The following ARHGAP29 variants were observed in gnomAD, a reference collection of about 807,000 sequenced individuals.
The protein encoded by ARHGAP29 is Rho GTPase activating protein 29, also known as rho GTPase-activating protein 29.
ARHGAP29 carries 43 observed loss-of-function variants against 122.6 expected under a neutral mutation model. The ratio of observed to expected loss-of-function variants is 0.35; its 90% CI spans 0.27 to 0.45. The LOEUF is 0.45. Among genes scored for constraint, ARHGAP29 ranks in the 20% least tolerant of loss-of-function variants. ARHGAP29 has a pLI of 1.00. For missense variants in ARHGAP29, 1,303 were observed against 1,477.2 expected (o/e 0.88, Z 1.93); for synonymous variants, 506 against 497.1 (o/e 1.02, Z -0.24).
At chr1:94,301,314 GC>G in the ARHGAP29 span, among the ~76,000 whole-genome samples, 1 of 152,116 alleles carries the variant, frequency 6.6e-6, no homozygotes, top group South Asian at 2.1e-4. Context: ...TAGCTTAAAA[GC>G]AAAAACGGGG....
At chr1:94,211,214 G>A (rs1651580211) in intron 3 of ARHGAP29, among the ~76,000 whole-genome samples, 1 of 140,054 alleles carries the variant, frequency 7.1e-6, no homozygotes, top group African/African-American at 2.6e-5. Flanking sequence ...TTGAACCCAG[G>A]AGGCAGAGGT....
rs775058104 is a variant in ARHGAP29 at position 94,184,190 on chromosome 1, T to G, written c.2208A>C (p.Ser736=). ...MHLVDISEFS[S]HDICDVLKLY... ...ATTTCAAGACGTCACAGATATCATG[T>G]GAACTAAATTCTGAAATATCTACCA... The change falls in exon 19 of 23, where the codon TCA becomes TCC. Residue 736 remains serine, a synonymous_variant. Coordinates refer to ENST00000260526, the MANE Select transcript of ARHGAP29 (RefSeq NM_004815.4). The G allele has an allele frequency of 1.3e-5, 21 of 1,610,226 alleles. No individual in the cohort carries two copies. Among genetic ancestry groups the G allele is most frequent in the Non-Finnish European group, 1.8e-5 (21 of 1,178,728 alleles).
chr1:94,231,142 T>C (rs2101613480), intron 2 of ARHGAP29, among the ~76,000 whole-genome samples: 1 of 152,172 alleles, frequency 6.6e-6, no homozygotes. Context: ...TTTTCCTACG[T>C]CAAATGGACC....
intron 1 of ARHGAP29, among the ~76,000 whole-genome samples, chr1:94,262,543 G>T (rs983345374): frequency 6.6e-6 from 1 of 151,952 alleles, no homozygotes; most frequent in African/African-American, 2.4e-5. Context: ...AGGAACTTAA[G>T]AAAATTTATA....
chr1:94,174,196 T>C lies in ARHGAP29; in HGVS notation c.3459A>G (p.Arg1153=), dbSNP rs1188656363. 3 of 1,614,084 alleles carry C rather than the reference T, an allele frequency of 1.9e-6. No homozygotes were observed. The highest frequency in any genetic ancestry group is 1.7e-5 in the Admixed American group (1 of 60,002). The change falls in exon 23 of 23, where the codon AGA becomes AGG. Residue 1153 remains arginine (R), a synonymous_variant. Transcript: ENST00000260526. ...SSDSYPLAPV[R]APRTLQPQHW... is the part of the protein sequence containing the mutation. ...GTTGAGGCTGCAGTGTTCTGGGTGC[T>C]CTGACAGGAGCGAGAGGGTAGGAAT...
chr1:94,207,345 T>C (rs1057027473), intron 5 of ARHGAP29, among the ~76,000 whole-genome samples: 28 of 152,160 alleles, frequency 1.8e-4, no homozygotes, highest in African/African-American at 6.3e-4. Context: ...TTGATCAAAG[T>C]AATTTTATTA....
chr1:94,231,816 TTGA>T (rs1652934963), intron 1 of ARHGAP29, among the ~76,000 whole-genome samples, 173 bp from the exon 2 acceptor site: 1 of 152,176 alleles, frequency 6.6e-6, no homozygotes, highest in African/African-American at 2.4e-5. Flanking sequence ...CACTGTATTA[TTGA>T]TAATAGCAGT....
At chr1:94,227,316 C>G (rs1392824975) in intron 2 of ARHGAP29, among the ~76,000 whole-genome samples, 1 of 151,574 alleles carries the variant, frequency 6.6e-6, no homozygotes, top group Non-Finnish European at 1.5e-5. Context: ...AATTAGAAAG[C>G]ATCTTTTAAA....
chr1:94,174,203 G>C lies in ARHGAP29; in HGVS notation c.3452C>G (p.Pro1151Arg). Residue 1151 changes from proline (P) to arginine (R), a missense_variant, in exon 23 of 23, where the codon CCT (proline) becomes CGT (arginine). Coordinates refer to ENST00000260526, the MANE Select transcript of ARHGAP29 (RefSeq NM_004815.4). The stretch of plus-strand genomic sequence containing the variant: ...CTGCAGTGTTCTGGGTGCTCTGACA[G>C]GAGCGAGAGGGTAGGAATCTGAAGA... Reference protein sequence around the residue: ...RRSSDSYPLAPVRAPRTLQPQ... With the variant: ...RRSSDSYPLARVRAPRTLQPQ... 1.2e-6 allele frequency: 2 copies of C among 1,614,210 alleles called. No individual in the cohort carries two copies. Among genetic ancestry groups the C allele is most frequent in the East Asian group, 2.2e-5 (1 of 44,884 alleles).
upstream of ARHGAP29, among the ~76,000 whole-genome samples, chr1:94,276,265 A>T (rs1655185244): frequency 6.6e-6 from 1 of 152,206 alleles, no homozygotes; most frequent in Non-Finnish European, 1.5e-5. Flanking sequence ...CTCAAAAAAA[A>T]AAAAAGTTTT....
At chr1:94,189,474 A>G (rs1650005946) in intron 13 of ARHGAP29, 122 bp from the exon 14 acceptor site, 1 of 1,206,530 alleles carries the variant, frequency 8.3e-7, no homozygotes, top group Admixed American at 3.1e-5. Context: ...TAAACTAAAT[A>G]TTAAAAACAA....
chr1:94,267,478 T>C (rs1654816629), intron 1 of ARHGAP29, among the ~76,000 whole-genome samples: 1 of 152,222 alleles, frequency 6.6e-6, no homozygotes, highest in Admixed American at 6.5e-5. Flanking sequence ...ATGAGTATTC[T>C]TTGAGGTCAC....
At chr1:94,304,164 C>T in the ARHGAP29 span, among the ~76,000 whole-genome samples, 1 of 152,184 alleles carries the variant, frequency 6.6e-6, no homozygotes, top group South Asian at 2.1e-4. Flanking sequence ...GGAAGAAGGT[C>T]TCACTCTGTC....
intron 1 of ARHGAP29, among the ~76,000 whole-genome samples, chr1:94,253,968 A>T (rs866907437): frequency 1.3e-5 from 2 of 152,232 alleles, no homozygotes; most frequent in Non-Finnish European, 2.9e-5. Context: ...AATTCACTCA[A>T]GATAAGATTA....
intron 4 of ARHGAP29, 64 bp downstream of exon 4, chr1:94,209,189 TA>T: frequency 8.5e-7 from 1 of 1,170,888 alleles, no homozygotes. Flanking sequence ...TGTTACTGGA[TA>T]ATGCAACATA....
At chr1:94,217,862 A>C (rs200915316) in intron 3 of ARHGAP29, among the ~76,000 whole-genome samples, 37 of 394 alleles carry the variant, frequency 0.094, no homozygotes, top group East Asian at 0.5. Flanking sequence ...AAAAAAAACA[A>C]AAAAAAAAAA....
chr1:94,223,770 A>T (rs1200838464), intron 2 of ARHGAP29, among the ~76,000 whole-genome samples: 1 of 152,056 alleles, frequency 6.6e-6, no homozygotes, highest in Non-Finnish European at 1.5e-5. Flanking sequence ...GGAAAATAAT[A>T]TAATTTGAAT....
At chr1:94,188,737 T>G in intron 15 of ARHGAP29, 100 bp downstream of exon 15, 1 of 946,284 alleles carries the variant, frequency 1.1e-6, no homozygotes, top group Non-Finnish European at 1.6e-6. Context: ...CTCTCTATTA[T>G]GTGTGAAAGT....
intron 22 of ARHGAP29, among the ~76,000 whole-genome samples, chr1:94,175,946 G>A (rs747355063): frequency 2.0e-5 from 3 of 151,908 alleles, no homozygotes; most frequent in Non-Finnish European, 1.5e-5. Flanking sequence ...TTCAAGATCC[G>A]CACACCTCAG....
Sources: allele counts gnomAD v4.1 joint callset (sites outside exome capture counted in the v4.1 genomes callset), GRCh38; gene constraint gnomAD v4.1.1; transcripts MANE v1.5; gene names NCBI Gene and HGNC (gene_info 2026-07-23, HGNC 2026-07-21).